Variants in FHOD3 observed in about 807,000 individuals in gnomAD.
FHOD3 encodes formin homology 2 domain containing 3, also known as FH1/FH2 domain-containing protein 3.
Under a neutral mutation model 173.0 loss-of-function variants are expected in FHOD3, and 90 were observed. That is an observed-to-expected ratio of 0.52 (90% CI 0.44 to 0.62). The LOEUF is 0.62. FHOD3 is among the 20% of genes least tolerant of loss of function. The pLI, the probability that FHOD3 is intolerant of heterozygous loss-of-function variation, is 0.00. For synonymous variants in FHOD3, 828 were observed against 823.0 expected (o/e 1.01, Z -0.10); for missense variants, 1,945 against 2,034.7 (o/e 0.96, Z 0.85).
chr18:36,454,409 C>T (rs986454735), intron 3 of FHOD3, among the ~76,000 whole-genome samples: 4 of 152,198 alleles, frequency 2.6e-5, no homozygotes, highest in African/African-American at 9.7e-5. Context: ...AGGCATTCAT[C>T]ACCCTTCCCT....
At chr18:36,764,301 G>T (rs2043046640) in intron 27 of FHOD3, among the ~76,000 whole-genome samples, 1 of 151,834 alleles carries the variant, frequency 6.6e-6, no homozygotes, top group African/African-American at 2.4e-5. Context: ...CATAAAACAA[G>T]GATGAGAAAT....
chr18:36,567,178 CAAAGCATCTGGG>C (rs2058295531), intron 5 of FHOD3, among the ~76,000 whole-genome samples: 1 of 152,088 alleles, frequency 6.6e-6, no homozygotes, highest in Admixed American at 6.6e-5. Context: ...CTGCTTCCAG[CAAAGCATCTGGG>C]AGTTAGCTGT....
chr18:36,623,269 T>C (rs1414116298), intron 9 of FHOD3, among the ~76,000 whole-genome samples: 1 of 152,236 alleles, frequency 6.6e-6, no homozygotes, highest in Non-Finnish European at 1.5e-5. Context: ...TCTCTGAGGT[T>C]AGACAAGGAA....
At chr18:36,449,738 T>G (rs1265759714) in intron 3 of FHOD3, among the ~76,000 whole-genome samples, 2 of 152,208 alleles carry the variant, frequency 1.3e-5, no homozygotes, top group Non-Finnish European at 2.9e-5. Context: ...ATAATTAGTT[T>G]GTTCAGTAAA....
chr18:36,357,814 GA>G (rs2046432607), intron 2 of FHOD3, among the ~76,000 whole-genome samples: 1 of 152,134 alleles, frequency 6.6e-6, no homozygotes, highest in Non-Finnish European at 1.5e-5. Flanking sequence ...TTGTCAGCTT[GA>G]AAAATGTCTC....
At chr18:36,724,423 G>A (rs143953160) in intron 19 of FHOD3, among the ~76,000 whole-genome samples, 71 of 152,310 alleles carry the variant, frequency 4.7e-4, no homozygotes, top group African/African-American at 1.5e-3. Context: ...TGGGGCTGCC[G>A]AGAACAGGCA....
At chr18:36,380,708 T>C (rs955631435) in intron 3 of FHOD3, among the ~76,000 whole-genome samples, 5 of 151,420 alleles carry the variant, frequency 3.3e-5, no homozygotes, top group African/African-American at 1.2e-4. Flanking sequence ...ATTTAGATAA[T>C]GTATTTACGA....
chr18:36,311,563 G>A (rs759233203), intron 1 of FHOD3, among the ~76,000 whole-genome samples: 3 of 152,124 alleles, frequency 2.0e-5, no homozygotes, highest in Admixed American at 6.5e-5. Flanking sequence ...AGGAGCATGC[G>A]TGGCCTCCAG....
chr18:36,552,738 T>C (rs2057713236), intron 5 of FHOD3, among the ~76,000 whole-genome samples: 2 of 152,034 alleles, frequency 1.3e-5, no homozygotes, highest in South Asian at 4.2e-4. Flanking sequence ...AACCTCATGA[T>C]CCACCCGCCT....
At chr18:36,769,787 CTG>C (rs1258654333) in intron 28 of FHOD3, among the ~76,000 whole-genome samples, 1 of 152,132 alleles carries the variant, frequency 6.6e-6, no homozygotes, top group East Asian at 1.9e-4. Context: ...CTGCTGGAGG[CTG>C]TGTTTCTGCC....
rs368365446 is a variant in FHOD3 at position 36,463,940 on chromosome 18, A to G, written c.338-37992A>G. ...TTTCTTATTTGGGTTGCTGTTAAAT[A>G]ATAAAATACTCAAACATAAGATTGA... On this transcript the variant is annotated intron_variant, in intron 3 of 28. Transcript: ENST00000590592. 7.2e-5 allele frequency among the ~76,000 whole-genome samples: 11 copies of G among 152,376 alleles called. 1 individual carries two copies. The highest frequency in any genetic ancestry group is 3.3e-4 in the Admixed American group (5 of 15,304).
intron 3 of FHOD3, among the ~76,000 whole-genome samples, chr18:36,492,800 A>T (rs1322328674): frequency 6.6e-6 from 1 of 152,164 alleles, no homozygotes; most frequent in Non-Finnish European, 1.5e-5. Context: ...GACAAAAGGG[A>T]TGAGTCAGAC....
chr18:36,682,164 C>G (rs555383523), intron 15 of FHOD3, among the ~76,000 whole-genome samples: 1 of 152,218 alleles, frequency 6.6e-6, no homozygotes, highest in East Asian at 1.9e-4. Flanking sequence ...CCCACTGATC[C>G]CAGTGTGCCT....
intron 14 of FHOD3, among the ~76,000 whole-genome samples, chr18:36,661,165 AC>A (rs2149221242): frequency 6.6e-6 from 1 of 152,134 alleles, no homozygotes; most frequent in African/African-American, 2.4e-5. Context: ...TCCAAATCAT[AC>A]TTGTGCACCA....
chr18:36,323,121 C>T (rs781699768), intron 1 of FHOD3, among the ~76,000 whole-genome samples: 37 of 152,160 alleles, frequency 2.4e-4, no homozygotes, highest in Admixed American at 7.8e-4. Flanking sequence ...TGACATGCTT[C>T]GACTCAGGAA....
chr18:36,458,105 A>G (rs1396574257), intron 3 of FHOD3, among the ~76,000 whole-genome samples: 2 of 152,164 alleles, frequency 1.3e-5, no homozygotes, highest in Non-Finnish European at 2.9e-5. Context: ...CCACCCACCT[A>G]TATCAGAAAG....
intron 17 of FHOD3, among the ~76,000 whole-genome samples, chr18:36,708,274 C>T (rs1280572084): frequency 6.6e-6 from 1 of 152,144 alleles, no homozygotes; most frequent in African/African-American, 2.4e-5. Flanking sequence ...ACTAACTTCA[C>T]ATTATGAGCA....
rs2043957261 is a variant in FHOD3 at position 36,779,860 on chromosome 18, G to T, written c.*330G>T. The T allele has an allele frequency of 6.7e-6, 3 of 445,086 alleles. No homozygotes were observed. The Admixed American group carries it at 1.2e-4, about 17-fold the overall frequency. 27.6% of individuals were successfully genotyped at this position (445,086 alleles called of 1,614,324 possible). On this transcript the variant is annotated 3_prime_UTR_variant, in exon 29 of 29. Coordinates refer to ENST00000590592, the MANE Select transcript of FHOD3 (RefSeq NM_001281740.3). ...AATCACTTCTGTCACAGTTATTATG[G>T]TAATATGAGGCAATCTGATTAGCTT... is the stretch of plus-strand genomic sequence containing the variant.
At position 36,555,386 on chromosome 18, in the gene FHOD3, TA is replaced by T. The variant is rs1325651086; in HGVS notation, c.512-21054del. 4.7e-4 allele frequency among the ~76,000 whole-genome samples: 67 copies of T among 143,222 alleles called. 1 individual carries two copies. Among genetic ancestry groups the T allele is most frequent in the East Asian group, 1.8e-3 (9 of 5,006 alleles). 94.0% of individuals were successfully genotyped at this position (143,222 alleles called of 152,430 possible). On this transcript the variant is annotated intron_variant, in intron 5 of 28. Transcript: ENST00000590592. ...ACTTGATTCCTTAATTCCATTGTGG[TA>T]AAAAAAAAAACAAAAAACATGCTTT...
Sources: allele counts gnomAD v4.1 joint callset (sites outside exome capture counted in the v4.1 genomes callset), GRCh38; gene constraint gnomAD v4.1.1; transcripts MANE v1.5; gene names NCBI Gene and HGNC (gene_info 2026-07-23, HGNC 2026-07-21).